The following PTPRN2 variants were observed in gnomAD, a reference collection of about 807,000 sequenced individuals.
PTPRN2 encodes protein tyrosine phosphatase receptor type N2.
A neutral mutation model predicts 118.8 loss-of-function variants in PTPRN2; 74 were observed. That is an observed-to-expected ratio of 0.62 (90% confidence interval 0.52 to 0.76). The LOEUF (loss-of-function observed/expected upper bound fraction) is 0.76. Ranked by LOEUF, PTPRN2 falls within the 30% of genes least tolerant of loss-of-function variation. The pLI is 0.00. For synonymous variants in PTPRN2, 641 were observed against 608.0 expected (o/e 1.05, Z -0.80); for missense variants, 1,481 against 1,394.4 (o/e 1.06, Z -0.99).
chr7:157,722,909 G>C (rs1301812033), intron 12 of PTPRN2, among the ~76,000 whole-genome samples: 1 of 152,118 alleles, frequency 6.6e-6, no homozygotes, highest in Non-Finnish European at 1.5e-5. Context: ...GGTCACCCCT[G>C]TTCCTGGCAC....
intron 6 of PTPRN2, among the ~76,000 whole-genome samples, chr7:158,151,694 C>A (rs1188847934): frequency 6.6e-6 from 1 of 152,096 alleles, no homozygotes; most frequent in Non-Finnish European, 1.5e-5. Flanking sequence ...TTCTTTCTTC[C>A]TTCTCCCCAA....
rs894392499 is a variant in PTPRN2 at position 157,868,050 on chromosome 7, C to T, written c.1788+30623G>A. Among the ~76,000 whole-genome samples, 1 of 152,220 alleles carries T rather than the reference C, an allele frequency of 6.6e-6. No individual in the cohort carries two copies. The highest frequency in any genetic ancestry group is 2.4e-5 in the African/African-American group (1 of 41,450). On this transcript the variant is annotated intron_variant, in intron 12 of 22. Transcript: ENST00000389418. The surrounding 1 kb of genome is among the most constrained non-coding windows in gnomAD (Gnocchi z 5.2). Reference sequence around the variant, plus strand: ...CTGCCGCAGGTAGGATCACCTGAGTCCTCTAGGAACCCAGCCCGCATCCTG... The same window carrying T: ...CTGCCGCAGGTAGGATCACCTGAGTTCTCTAGGAACCCAGCCCGCATCCTG...
At chr7:158,074,299 T>C (rs1812178696) in intron 11 of PTPRN2, among the ~76,000 whole-genome samples, 1 of 152,056 alleles carries the variant, frequency 6.6e-6, no homozygotes, top group Non-Finnish European at 1.5e-5. Context: ...GGGCGTTCCG[T>C]GGAGAGAACA....
chr7:158,238,956 G>A (rs565914370), intron 3 of PTPRN2, among the ~76,000 whole-genome samples: 22 of 152,330 alleles, frequency 1.4e-4, no homozygotes, highest in South Asian at 1.0e-3. Context: ...GCTAAGCCAC[G>A]CGGCTCCCCA....
At chr7:158,012,330 G>A (rs1440248803) in intron 11 of PTPRN2, among the ~76,000 whole-genome samples, 2 of 151,968 alleles carry the variant, frequency 1.3e-5, no homozygotes, top group South Asian at 2.1e-4. Flanking sequence ...ACCACATCAC[G>A]GTGAGACTGA....
chr7:158,560,884 G>A (rs533011425), intron 1 of PTPRN2, among the ~76,000 whole-genome samples: 4 of 152,308 alleles, frequency 2.6e-5, no homozygotes, highest in South Asian at 2.1e-4. Context: ...CTAAAGCAAC[G>A]CAGCCTTGCA....
chr7:157,912,253 T>C (rs1459924939), intron 11 of PTPRN2, among the ~76,000 whole-genome samples: 2 of 152,262 alleles, frequency 1.3e-5, no homozygotes, highest in Non-Finnish European at 2.9e-5. Flanking sequence ...GGGCTTCCAA[T>C]GTGCATGTCT....
At chr7:158,166,840 A>T (rs1472272118) in intron 6 of PTPRN2, 91 bp downstream of exon 6, 32 of 1,366,246 alleles carry the variant, frequency 2.3e-5, no homozygotes, top group African/African-American at 2.9e-5. Flanking sequence ...TGCAGACCCC[A>T]CGTGTGGGAA....
At chr7:157,998,529 T>C (rs1211953075) in intron 11 of PTPRN2, among the ~76,000 whole-genome samples, 1 of 152,148 alleles carries the variant, frequency 6.6e-6, no homozygotes, top group Admixed American at 6.5e-5. Context: ...CTACCTCACA[T>C]TTCAAGCTCA....
intron 5 of PTPRN2, among the ~76,000 whole-genome samples, chr7:158,175,860 T>C (rs961639414): frequency 7.2e-5 from 11 of 152,186 alleles, no homozygotes. Context: ...TGATGCATTC[T>C]GAGAGTCTGG....
At chr7:157,558,871 G>T (rs1050742142) in intron 21 of PTPRN2, among the ~76,000 whole-genome samples, 1 of 152,180 alleles carries the variant, frequency 6.6e-6, no homozygotes, top group Admixed American at 6.5e-5. Flanking sequence ...GGCCAGTTAC[G>T]CATTGACTCA....
chr7:157,759,200 C>T (rs1790074969), intron 12 of PTPRN2, among the ~76,000 whole-genome samples: 1 of 152,254 alleles, frequency 6.6e-6, no homozygotes, highest in South Asian at 2.1e-4. Flanking sequence ...GCCGTGGGCG[C>T]AGGCGGTCGG....
intron 12 of PTPRN2, among the ~76,000 whole-genome samples, chr7:157,687,820 G>T (rs1743083227): frequency 6.6e-6 from 1 of 152,094 alleles, no homozygotes; most frequent in Admixed American, 6.5e-5. Flanking sequence ...CGGGGGAAGG[G>T]GTGTCTTAAA....
In PTPRN2 at chr7:158,275,997, C is replaced by T. The variant is rs117158369; in HGVS notation, c.277+40822G>A. On this transcript the variant is annotated intron_variant, in intron 3 of 22. Transcript: ENST00000389418. ...CTGTCAGCATCCCCGCCGCCTTACA[C>T]GTGCTATGGCTGCCCTCTGACTCTG... Among the ~76,000 whole-genome samples, 838 of 152,314 alleles carry T rather than the reference C, an allele frequency of 5.5e-3. 7 individuals are homozygous for T. Among genetic ancestry groups the T allele is most frequent in the Middle Eastern group, 0.017 (5 of 294 alleles).
rs183594437 is a variant in PTPRN2, at chr7:158,063,498, C to G, written c.1723+17800G>C. Among the ~76,000 whole-genome samples, 471 of 152,234 alleles carry G rather than the reference C, an allele frequency of 3.1e-3. 2 individuals are homozygous for G. Among genetic ancestry groups the G allele is most frequent in the African/African-American group, 0.011 (454 of 41,540 alleles). ...GATAAGGGGAAAAAAGCAGGCTGCC[C>G]GAGCCAGCAGTGGCAACCCACTTGG... On this transcript the variant is annotated intron_variant, in intron 11 of 22. Transcript: ENST00000389418.
intron 2 of PTPRN2, among the ~76,000 whole-genome samples, chr7:158,393,168 C>T (rs1437028864): frequency 1.3e-5 from 2 of 152,182 alleles, no homozygotes; most frequent in Non-Finnish European, 2.9e-5. Context: ...GGAAACCATC[C>T]CATCCTGGTC....
chr7:158,310,942 C>T (rs1172318638), intron 3 of PTPRN2, among the ~76,000 whole-genome samples: 3 of 152,258 alleles, frequency 2.0e-5, no homozygotes, highest in African/African-American at 4.8e-5. Context: ...GCTCACCAGA[C>T]GTGAGCCAGA....
intron 2 of PTPRN2, among the ~76,000 whole-genome samples, chr7:158,388,994 T>A (rs1811717132): frequency 6.6e-6 from 1 of 152,392 alleles, no homozygotes; most frequent in South Asian, 2.1e-4. Flanking sequence ...AAGCTCGGAC[T>A]GGCGATTAGA....
chr7:158,551,192 C>T (rs925209354), intron 1 of PTPRN2, among the ~76,000 whole-genome samples: 23 of 152,248 alleles, frequency 1.5e-4, no homozygotes, highest in African/African-American at 4.8e-4. Flanking sequence ...GCCCTATTCC[C>T]ACTGCGGATG....
Sources: allele counts gnomAD v4.1 joint callset (sites outside exome capture counted in the v4.1 genomes callset), GRCh38; gene constraint gnomAD v4.1.1; non-coding constraint Gnocchi (gnomAD v3.1); transcripts MANE v1.5; gene names NCBI Gene and HGNC (gene_info 2026-07-23, HGNC 2026-07-21).